The following PBX1 variants were observed in gnomAD, a reference collection of about 807,000 sequenced individuals.
PBX1 encodes the protein PBX homeobox 1, also known as pre-B-cell leukemia transcription factor 1.
In PBX1, 6 loss-of-function variants were observed where a neutral mutation model predicts 53.4. That is an observed-to-expected ratio of 0.11 (90% CI 0.06 to 0.22). The LOEUF is 0.22. Among genes scored for constraint, PBX1 ranks in the 10% least tolerant of loss-of-function variants. The pLI is 1.00. For synonymous variants in PBX1, 204 were observed against 212.3 expected (o/e 0.96, Z 0.34); for missense variants, 251 against 551.4 (o/e 0.46, Z 5.46).
intron 2 of PBX1, among the ~76,000 whole-genome samples, chr1:164,747,802 A>G (rs1665975335): frequency 6.6e-6 from 1 of 152,166 alleles, no homozygotes. Flanking sequence ...ATGCATTCAC[A>G]GAGGAATTGT....
chr1:164,669,750 T>C (rs1661013144), intron 2 of PBX1, among the ~76,000 whole-genome samples: 1 of 152,216 alleles, frequency 6.6e-6, no homozygotes, highest in South Asian at 2.1e-4. Context: ...TATTTCCTGC[T>C]ACCCAATTGG....
At chr1:164,708,950 A>G (rs958615408) in intron 2 of PBX1, among the ~76,000 whole-genome samples, 2 of 152,160 alleles carry the variant, frequency 1.3e-5, no homozygotes, top group African/African-American at 4.8e-5. Flanking sequence ...GCCAGGTACC[A>G]TGGTAGGTGC....
chr1:164,847,859 T>C lies in PBX1; in HGVS notation c.*1183T>C. On this transcript the variant is annotated 3_prime_UTR_variant, in exon 9 of 9. Transcript: ENST00000420696. ...GAATGGCATACACAGGACCTGATCA[T>C]GAGGAAGACCAGGTTTCCAGTGTAA... 9.5e-7 allele frequency: 1 copy of C among 1,055,100 alleles called. No homozygotes were observed. Among genetic ancestry groups the C allele is most frequent in the African/African-American group, 1.7e-5 (1 of 60,598 alleles). The allele number at this position is 1,055,100 out of a possible 1,614,324, so 65.4% of individuals were successfully genotyped here.
chr1:164,635,561 G>A (rs1011469548), intron 2 of PBX1, among the ~76,000 whole-genome samples: 1 of 152,226 alleles, frequency 6.6e-6, no homozygotes, highest in African/African-American at 2.4e-5. Flanking sequence ...CCTTGGGTCT[G>A]AGGCGCGCGC....
intron 2 of PBX1, among the ~76,000 whole-genome samples, chr1:164,622,136 C>A (rs1657720321): frequency 6.6e-6 from 1 of 152,140 alleles, no homozygotes; most frequent in Admixed American, 6.6e-5. Flanking sequence ...CGTGTGGGCC[C>A]AGGAGGCAAG....
intron 2 of PBX1, among the ~76,000 whole-genome samples, chr1:164,621,950 C>T (rs1397305753): frequency 6.6e-6 from 1 of 152,148 alleles, no homozygotes; most frequent in African/African-American, 2.4e-5. Context: ...AACTTTGATT[C>T]TTCCTCCCTG....
At chr1:164,866,834 T>C (rs1672231292) in intron 2 of PBX1, among the ~76,000 whole-genome samples, 1 of 152,204 alleles carries the variant, frequency 6.6e-6, no homozygotes, top group Non-Finnish European at 1.5e-5. Context: ...GCATCTGAGA[T>C]TCAGAAGGGA....
chr1:164,870,407 C>T (rs1037160863), intron 2 of PBX1, among the ~76,000 whole-genome samples: 1 of 150,618 alleles, frequency 6.6e-6, no homozygotes, highest in African/African-American at 2.4e-5. Context: ...TGCAGTGGCA[C>T]GATCTTAGCT....
At chr1:164,582,424 CTT>C (rs939145375) in intron 2 of PBX1, among the ~76,000 whole-genome samples, 18 of 141,152 alleles carry the variant, frequency 1.3e-4, no homozygotes, top group Admixed American at 1.4e-4. Flanking sequence ...TTCATAATTT[CTT>C]TTTTTTTTTT....
At chr1:164,666,062 G>A (rs1660787042) in intron 2 of PBX1, among the ~76,000 whole-genome samples, 1 of 152,170 alleles carries the variant, frequency 6.6e-6, no homozygotes, top group South Asian at 2.1e-4. Context: ...ACTCCAGGAG[G>A]GAATGGTATG....
intron 2 of PBX1, among the ~76,000 whole-genome samples, chr1:164,882,343 C>G (rs553816819): frequency 2.0e-5 from 3 of 152,120 alleles, no homozygotes; most frequent in Non-Finnish European, 4.4e-5. Context: ...ATCTGTGCTC[C>G]TCATTTTCAT....
At chr1:164,614,023 C>T (rs1657108972) in intron 2 of PBX1, among the ~76,000 whole-genome samples, 1 of 152,106 alleles carries the variant, frequency 6.6e-6, no homozygotes, top group Non-Finnish European at 1.5e-5. Flanking sequence ...TGACCTTCCT[C>T]TGGTATTTCT....
intron 2 of PBX1, among the ~76,000 whole-genome samples, chr1:164,563,771 A>C (rs1243922211): frequency 6.6e-6 from 1 of 152,136 alleles, no homozygotes; most frequent in Non-Finnish European, 1.5e-5. Context: ...AGAGGTTCTC[A>C]ACAGAGAGTG....
At chr1:164,634,533 A>G (rs961096649) in intron 2 of PBX1, among the ~76,000 whole-genome samples, 1 of 152,160 alleles carries the variant, frequency 6.6e-6, no homozygotes, top group Non-Finnish European at 1.5e-5. Flanking sequence ...GCTTAAAATC[A>G]GTTTCTTCTT....
intron 2 of PBX1, among the ~76,000 whole-genome samples, chr1:164,661,166 T>C (rs529337068): frequency 5.3e-5 from 8 of 152,334 alleles, no homozygotes; most frequent in Admixed American, 1.3e-4. Context: ...CTGTGAATTC[T>C]TCAGAGATTG....
intron 2 of PBX1, chr1:164,682,749 A>G (rs1661859529): frequency 2.6e-5 from 4 of 152,186 alleles, no homozygotes; most frequent in Admixed American, 2.0e-4. Context: ...GCTCGGGGAC[A>G]TAAAACCTGT....
intron 2 of PBX1, chr1:164,787,615 T>A (rs888690243): frequency 6.6e-6 from 1 of 152,128 alleles, no homozygotes; most frequent in Admixed American, 6.5e-5. Flanking sequence ...TTTGGTTTGT[T>A]TTTCTCCTTG....
At chr1:164,595,974 T>G (rs1655727460) in intron 2 of PBX1, among the ~76,000 whole-genome samples, 1 of 152,174 alleles carries the variant, frequency 6.6e-6, no homozygotes. Context: ...GAAAGTAGAA[T>G]TTCTCAGTAA....
At chr1:164,588,863 G>T (rs919014149) in intron 2 of PBX1, among the ~76,000 whole-genome samples, 2 of 152,000 alleles carry the variant, frequency 1.3e-5, no homozygotes, top group African/African-American at 4.8e-5. Flanking sequence ...TTCCTAACTG[G>T]GCTGAGGGAG....
Sources: gnomAD v4.1 joint callset for allele counts (sites outside exome capture counted in the v4.1 genomes callset) on GRCh38, gnomAD v4.1.1 for gene constraint, MANE v1.5 for transcripts, NCBI Gene and HGNC (gene_info 2026-07-23, HGNC 2026-07-21) for gene names.